Variants in LDLRAD4 observed in about 807,000 individuals in gnomAD.
LDLRAD4 encodes low-density lipoprotein receptor class A domain-containing protein 4.
A neutral mutation model predicts 17.0 loss-of-function variants in LDLRAD4; 5 were observed. The observed-to-expected ratio is 0.29, with a 90% CI of 0.15 to 0.62. LDLRAD4 has a LOEUF of 0.62. Ranked by LOEUF, LDLRAD4 falls within the 20% of genes least tolerant of loss-of-function variation. The pLI, the probability that LDLRAD4 is intolerant of heterozygous loss-of-function variation, is 0.84. For synonymous variants in LDLRAD4, 168 were observed against 171.8 expected (o/e 0.98, Z 0.17); for missense variants, 340 against 424.7 (o/e 0.80, Z 1.75).
chr18:13,535,721 T>C (rs1211083568), intron 3 of LDLRAD4, among the ~76,000 whole-genome samples: 1 of 152,218 alleles, frequency 6.6e-6, no homozygotes, highest in Non-Finnish European at 1.5e-5. Flanking sequence ...GTTTAAGAAA[T>C]CTTTGCCCAA....
At chr18:13,572,976 G>A (rs1212046972) in intron 3 of LDLRAD4, among the ~76,000 whole-genome samples, 11 of 152,244 alleles carry the variant, frequency 7.2e-5, no homozygotes, top group Non-Finnish European at 1.3e-4. Flanking sequence ...CCTGCTCTGT[G>A]GGGCTGGAGG....
At chr18:13,445,793 CTG>C (rs1156347501) in intron 3 of LDLRAD4, among the ~76,000 whole-genome samples, 1 of 149,482 alleles carries the variant, frequency 6.7e-6, no homozygotes, top group Non-Finnish European at 1.5e-5. Context: ...GGTTGAGTCT[CTG>C]GTGCATATGT....
At chr18:13,641,692 G>C (rs573359616) in intron 4 of LDLRAD4, 6 of 942,986 alleles carry the variant, frequency 6.4e-6, no homozygotes, top group South Asian at 4.9e-5. Flanking sequence ...TTTCCTGTCC[G>C]GGCTGGCGGG....
intron 4 of LDLRAD4, among the ~76,000 whole-genome samples, chr18:13,638,131 C>T (rs1193886858): frequency 1.3e-5 from 2 of 152,062 alleles, no homozygotes; most frequent in South Asian, 2.1e-4. Context: ...AGAAGCTGAG[C>T]TCGGTGGCAC....
intron 3 of LDLRAD4, among the ~76,000 whole-genome samples, chr18:13,564,387 G>A (rs1785141): frequency 0.96 from 145,199 of 151,934 alleles, 69,696 homozygotes; most frequent in Non-Finnish European, 1. Flanking sequence ...TTCCTTGCCA[G>A]CGCGTATACT....
chr18:13,230,146 C>T (rs1414314222), intron 1 of LDLRAD4, among the ~76,000 whole-genome samples: 1 of 152,190 alleles, frequency 6.6e-6, no homozygotes, highest in Non-Finnish European at 1.5e-5. Flanking sequence ...TCACCCCTTC[C>T]ACCACTCGAG....
chr18:13,445,066 G>C (rs1238257955), intron 3 of LDLRAD4, among the ~76,000 whole-genome samples: 1 of 152,212 alleles, frequency 6.6e-6, no homozygotes, highest in Non-Finnish European at 1.5e-5. Flanking sequence ...CAGTGTGATA[G>C]GCTTTTACTG....
chr18:13,253,835 G>A (rs544200550), intron 1 of LDLRAD4, among the ~76,000 whole-genome samples: 1 of 152,310 alleles, frequency 6.6e-6, no homozygotes, highest in South Asian at 2.1e-4. Context: ...GGAAGCTGCC[G>A]GGTGAGTTTT....
chr18:13,527,408 G>A (rs1182936049), intron 3 of LDLRAD4, among the ~76,000 whole-genome samples: 1 of 152,218 alleles, frequency 6.6e-6, no homozygotes, highest in East Asian at 1.9e-4. Context: ...TGGCCTTCTG[G>A]AGACCGGGCC....
intron 3 of LDLRAD4, among the ~76,000 whole-genome samples, chr18:13,463,148 G>A (rs536709071): frequency 1.8e-4 from 28 of 152,298 alleles, no homozygotes; most frequent in Non-Finnish European, 3.7e-4. Flanking sequence ...TGATGTGTGT[G>A]TGCACCTAGG....
At chr18:13,613,750 G>C (rs894888052) in intron 3 of LDLRAD4, 1 of 152,212 alleles carries the variant, frequency 6.6e-6, no homozygotes, top group South Asian at 2.1e-4. Context: ...TCCCTAGTCC[G>C]TCCAGTCATC....
chr18:13,434,218 G>A (rs554174092), intron 2 of LDLRAD4, among the ~76,000 whole-genome samples: 59 of 148,416 alleles, frequency 4.0e-4, no homozygotes, highest in African/African-American at 1.4e-3. Flanking sequence ...TCTAAAGTCT[G>A]TTGTTGACTC....
chr18:13,379,991 G>GCCAGCCCCCTGCCCA (rs1377306184), intron 1 of LDLRAD4, among the ~76,000 whole-genome samples: 3 of 146,904 alleles, frequency 2.0e-5, no homozygotes, highest in Non-Finnish European at 4.5e-5. Context: ...CCCCCTGCCC[G>GCCAGCCCCCTGCCCA]CCAGCCCCCT....
intron 4 of LDLRAD4, among the ~76,000 whole-genome samples, chr18:13,638,462 C>T (rs1340373253): frequency 6.6e-6 from 1 of 152,026 alleles, no homozygotes; most frequent in Admixed American, 6.5e-5. Flanking sequence ...TTGTTACTGC[C>T]TTTGTTCCAG....
intron 3 of LDLRAD4, among the ~76,000 whole-genome samples, chr18:13,536,885 T>G (rs1324642899): frequency 6.6e-6 from 1 of 152,140 alleles, no homozygotes; most frequent in Non-Finnish European, 1.5e-5. Flanking sequence ...AATGATTATA[T>G]GTTTTTTTCA....
chr18:13,533,303 T>G (rs1339257455), intron 3 of LDLRAD4, among the ~76,000 whole-genome samples: 4 of 152,204 alleles, frequency 2.6e-5, no homozygotes, highest in African/African-American at 9.6e-5. Flanking sequence ...CCCCAACTAC[T>G]GTCAAACATT....
chr18:13,377,954 A>G (rs1277776665), intron 1 of LDLRAD4, among the ~76,000 whole-genome samples: 4 of 152,214 alleles, frequency 2.6e-5, no homozygotes, highest in Non-Finnish European at 5.9e-5. Flanking sequence ...TCTTTGTCCT[A>G]AAGGAATATA....
At chr18:13,504,523 GT>G (rs1190758897) in intron 3 of LDLRAD4, among the ~76,000 whole-genome samples, 1 of 152,220 alleles carries the variant, frequency 6.6e-6, no homozygotes, top group East Asian at 1.9e-4. Context: ...TGCGTCGGGG[GT>G]TCAAGCGATT....
intron 4 of LDLRAD4, among the ~76,000 whole-genome samples, chr18:13,640,958 C>A (rs2042499195): frequency 6.6e-6 from 1 of 152,212 alleles, no homozygotes; most frequent in Non-Finnish European, 1.5e-5. Flanking sequence ...ACACACAGTG[C>A]AGAGGTGCAG....
Sources: allele counts gnomAD v4.1 joint callset (sites outside exome capture counted in the v4.1 genomes callset), GRCh38; gene constraint gnomAD v4.1.1; transcripts MANE v1.5; gene names NCBI Gene and HGNC (gene_info 2026-07-23, HGNC 2026-07-21).